KDM4A: variants seen among roughly 807,000 people sequenced by gnomAD.
KDM4A encodes lysine demethylase 4A, also known as lysine-specific demethylase 4A.
Under a neutral mutation model 127.1 loss-of-function variants are expected in KDM4A, and 23 were observed. That is an observed-to-expected ratio of 0.18 (90% CI 0.13 to 0.26). The LOEUF (loss-of-function observed/expected upper bound fraction) is 0.26, where lower values mean the gene tolerates loss of function less well. KDM4A is among the 10% of genes least tolerant of loss of function. The probability of loss-of-function intolerance (pLI) is 1.00; values close to 1 mark genes in which losing one functional copy is unlikely to be tolerated. For missense variants in KDM4A, 890 were observed against 1,329.1 expected (o/e 0.67, Z 5.14); for synonymous variants, 443 against 466.5 (o/e 0.95, Z 0.65).
At chr1:43,660,792 A>C (rs1660356570) in intron 4 of KDM4A, among the ~76,000 whole-genome samples, 1 of 139,754 alleles carries the variant, frequency 7.2e-6, no homozygotes, top group African/African-American at 2.5e-5. Flanking sequence ...AAGAAGAGAA[A>C]TACATTTAGA....
At chr1:43,692,140 G>A in intron 15 of KDM4A, 116 bp from the exon 16 acceptor site, 1 of 915,954 alleles carries the variant, frequency 1.1e-6, no homozygotes, top group African/African-American at 1.6e-5. Flanking sequence ...AGCCCCACAT[G>A]CTATTATGCT....
chr1:43,684,916 G>C (rs1401944368), intron 12 of KDM4A, among the ~76,000 whole-genome samples: 1 of 152,170 alleles, frequency 6.6e-6, no homozygotes, highest in Non-Finnish European at 1.5e-5. Context: ...AAAATCAACT[G>C]GATTTGGTGA....
chr1:43,661,717 C>T (rs1660386198), intron 4 of KDM4A, among the ~76,000 whole-genome samples: 1 of 148,562 alleles, frequency 6.7e-6, no homozygotes, highest in Non-Finnish European at 1.5e-5. Context: ...CAGGAAGATG[C>T]TGTAAGGATC....
intron 12 of KDM4A, among the ~76,000 whole-genome samples, chr1:43,686,167 T>C (rs1470487412): frequency 1.4e-5 from 2 of 145,946 alleles, no homozygotes; most frequent in African/African-American, 5.1e-5. Flanking sequence ...TTTTTTTTTT[T>C]TTTTTGAGAA....
intron 11 of KDM4A, among the ~76,000 whole-genome samples, chr1:43,681,633 T>C (rs1369133960): frequency 6.6e-6 from 1 of 152,232 alleles, no homozygotes; most frequent in African/African-American, 2.4e-5. Context: ...CTGGCTTCTT[T>C]ATTCCCATCC....
At chr1:43,700,794 C>T (rs1245426596) in intron 19 of KDM4A, among the ~76,000 whole-genome samples, 2 of 152,136 alleles carry the variant, frequency 1.3e-5, no homozygotes, top group African/African-American at 2.4e-5. Flanking sequence ...ACACTAAAAC[C>T]CATTGGTCTC....
intron 11 of KDM4A, among the ~76,000 whole-genome samples, chr1:43,675,622 G>C (rs182555238): frequency 6.6e-6 from 1 of 152,318 alleles, no homozygotes; most frequent in African/African-American, 2.4e-5. Context: ...AGGTGGTGCT[G>C]TTGGGGGATG....
chr1:43,700,381 C>T (rs922832244), intron 19 of KDM4A, among the ~76,000 whole-genome samples: 3 of 152,062 alleles, frequency 2.0e-5, no homozygotes, highest in Non-Finnish European at 4.4e-5. Context: ...CCTACCTCGG[C>T]CTCCCAAAGT....
In KDM4A at chr1:43,704,309, T is replaced by C; in HGVS notation, c.3134T>C (p.Ile1045Thr). The C allele has an allele frequency of 6.2e-7, 1 of 1,614,044 alleles. No individual in the cohort carries two copies. The highest frequency in any genetic ancestry group is 8.5e-7 in the Non-Finnish European group (1 of 1,180,020). The change falls in exon 22 of 22, where the codon ATC (isoleucine) becomes ACC (threonine). Residue 1045 changes from isoleucine to threonine, a missense_variant. Coordinates refer to ENST00000372396, the MANE Select transcript of KDM4A (RefSeq NM_014663.3). Reference sequence around the variant, plus strand: ...CAAGAAAAGAAACGGCAACGAGTTATCAACTCAAGATACCGGGAAGATTAT... The same window carrying C: ...CAAGAAAAGAAACGGCAACGAGTTACCAACTCAAGATACCGGGAAGATTAT... ...VKQEKKRQRVINSRYREDYIE... is the reference protein window; with the variant it reads ...VKQEKKRQRVTNSRYREDYIE...
chr1:43,698,936 GCAC>G (rs1661311859), intron 19 of KDM4A, among the ~76,000 whole-genome samples: 1 of 151,378 alleles, frequency 6.6e-6, no homozygotes, highest in Non-Finnish European at 1.5e-5. Flanking sequence ...CTACAGGAAC[GCAC>G]CACCACAGCC....
chr1:43,697,804 C>T lies in KDM4A; in HGVS notation c.2671-39C>T, dbSNP rs201820630. On this transcript the variant is annotated intron_variant, in intron 18 of 21. Transcript: ENST00000372396. Reference sequence around the variant, plus strand: ...CATCTCCATATGCCAGGCCTGCAAACTCCACGTGTGAGTAACCAAAGCCTC... The same window carrying T: ...CATCTCCATATGCCAGGCCTGCAAATTCCACGTGTGAGTAACCAAAGCCTC... 260 of 1,594,662 alleles carry T rather than the reference C, an allele frequency of 1.6e-4. 2 individuals carry two copies. In the East Asian group the frequency reaches 5.7e-3, roughly 35 times the overall value.
intron 20 of KDM4A, 105 bp from the exon 21 acceptor site, chr1:43,703,915 G>A: frequency 7.8e-7 from 1 of 1,290,236 alleles, no homozygotes; most frequent in Non-Finnish European, 1.1e-6. Context: ...TGTTATTTTA[G>A]TGTTCTAACT....
chr1:43,667,998 A>G lies in KDM4A; in HGVS notation c.1142A>G (p.Glu381Gly). Residue 381 changes from glutamate (E) to glycine (G), a missense_variant, in exon 9 of 22, where the codon GAG becomes GGG. Around this residue, in one of 7 missense-constraint regions of KDM4A, gnomAD observed 389 missense variants for 485.9 expected, o/e 0.80. Transcript: ENST00000372396. ...EEDMEGVEDGEEGDLKTSLAK... is the reference protein window; with the variant it reads ...EEDMEGVEDGGEGDLKTSLAK... ...GACATGGAAGGGGTGGAGGATGGAG[A>G]GGAAGGAGACCTGAAGACAAGGTAA... The G allele has an allele frequency of 5.6e-6, 9 of 1,614,074 alleles. No homozygotes were observed. Among genetic ancestry groups the G allele is most frequent in the Non-Finnish European group, 7.6e-6 (9 of 1,179,996 alleles).
intron 11 of KDM4A, among the ~76,000 whole-genome samples, chr1:43,672,526 G>C (rs1189600933): frequency 7.4e-6 from 1 of 134,878 alleles, no homozygotes; most frequent in Admixed American, 7.9e-5. Flanking sequence ...ACGGGGTCTC[G>C]CTCTGTTGCC....
In KDM4A at chr1:43,669,153, C is replaced by T; in HGVS notation, c.1217C>T (p.Pro406Leu). 1 of 1,614,196 alleles carries T rather than the reference C, an allele frequency of 6.2e-7. No individual in the cohort carries two copies. Among genetic ancestry groups the T allele is most frequent in the East Asian group, 2.2e-5 (1 of 44,880 alleles). Residue 406 changes from proline (P) to leucine (L), a missense_variant, in exon 10 of 22, where the codon CCA becomes CTA. Pro to Leu is a moderately conservative substitution (Grantham distance 98, BLOSUM62 -3). Around this residue, in one of 7 missense-constraint regions of KDM4A, gnomAD observed 389 missense variants for 485.9 expected, o/e 0.80. Coordinates refer to ENST00000372396, the MANE Select transcript of KDM4A (RefSeq NM_014663.3). ...AGGCACCGAGTTTGTCTTGAAATAC[C>T]ACAGGAGGTGAGTCAGAGTGAGCTC... ...TKRHRVCLEI[P>L]QEVSQSELFP...
Position 43,655,692 on chromosome 1 carries a change from C to T in KDM4A, c.240C>T (p.Gly80=), listed in dbSNP as rs1221629303. The T allele has an allele frequency of 6.2e-7, 1 of 1,613,844 alleles. No individual in the cohort carries two copies. The highest frequency in any genetic ancestry group is 8.5e-7 in the Non-Finnish European group (1 of 1,179,948). ...AACAGCTGGTGACGGGGCAGTCTGG[C>T]CTCTTTACTCAGTACAACATACAGA... ...PIQQLVTGQS[G]LFTQYNIQKK... Residue 80 remains glycine, a synonymous_variant, in exon 3 of 22, where the codon GGC becomes GGT. Transcript: ENST00000372396.
At chr1:43,700,664 T>G (rs1249053175) in intron 19 of KDM4A, among the ~76,000 whole-genome samples, 2 of 151,364 alleles carry the variant, frequency 1.3e-5, no homozygotes, top group Non-Finnish European at 2.9e-5. Flanking sequence ...TCAAGCGATT[T>G]CTTTTGCCTC....
intron 1 of KDM4A, among the ~76,000 whole-genome samples, chr1:43,652,531 T>C (rs1480126691): frequency 6.6e-6 from 1 of 152,036 alleles, no homozygotes. Context: ...AAAATTTTTT[T>C]TGAGACAGGG....
Position 43,694,044 on chromosome 1 carries a change from A to T in KDM4A, c.2426A>T (p.Asn809Ile). The T allele has an allele frequency of 6.2e-7, 1 of 1,614,268 alleles. No individual in the cohort carries two copies. The highest frequency in any genetic ancestry group is 1.1e-5 in the South Asian group (1 of 91,086). Residue 809 changes from asparagine (N) to isoleucine (I), a missense_variant, in exon 17 of 22, where the codon AAC becomes ATC. Asn to Ile is a moderately radical substitution (Grantham distance 149, BLOSUM62 -3). Transcript: ENST00000372396. This position sits in a 1 kb window ranked among gnomAD's most constrained non-coding sequence, Gnocchi z 5.2. ...GCAATTCTGGAAGCAAGGTTTGTCA[A>T]CATTGCAGAAAGAAGTCCGGTGGAT... ...AVAILEARFVNIAERSPVDVS... is the reference protein window; with the variant it reads ...AVAILEARFVIIAERSPVDVS...
Sources: allele counts gnomAD v4.1 joint callset (sites outside exome capture counted in the v4.1 genomes callset), GRCh38; gene constraint gnomAD v4.1.1; regional missense constraint gnomAD v4.1.1; non-coding constraint Gnocchi (gnomAD v3.1); transcripts MANE v1.5; gene names NCBI Gene and HGNC (gene_info 2026-07-23, HGNC 2026-07-21).